The following SHROOM4 variants were observed in gnomAD, a reference collection of about 807,000 sequenced individuals.
SHROOM4 encodes the protein protein Shroom4.
In SHROOM4, 17 loss-of-function variants were observed where a neutral mutation model predicts 80.3. The ratio of observed to expected loss-of-function variants is 0.21; its 90% CI spans 0.14 to 0.32. SHROOM4 has a LOEUF of 0.32. Ranked by LOEUF, SHROOM4 falls within the 10% of genes least tolerant of loss-of-function variation. The probability of loss-of-function intolerance (pLI) is 1.00; values close to 1 mark genes in which losing one functional copy is unlikely to be tolerated. For missense variants in SHROOM4, 993 were observed against 1,140.3 expected, an observed-to-expected ratio of 0.87 and a Z score of 1.86; for synonymous variants, 400 against 437.5, an observed-to-expected ratio of 0.91 and a Z score of 1.07.
chrX:50,599,753 C>T (rs1228396587), intron 7 of SHROOM4, among the ~76,000 whole-genome samples: 4 of 111,667 alleles, frequency 3.6e-5, no homozygotes, highest in African/African-American at 9.8e-5. Flanking sequence ...GGGGACAGCT[C>T]TGCCCCTCCC....
chrX:50,700,891 T>C (rs1367706543), intron 1 of SHROOM4, among the ~76,000 whole-genome samples: 2 of 112,068 alleles, frequency 1.8e-5, no homozygotes, highest in African/African-American at 3.2e-5. Context: ...GTAATCCCTA[T>C]ATGTGGATAG....
rs1175576802 is a variant in SHROOM4, at chrX:50,712,287, C to T, written c.118-16350G>A. ...ATGTTTCAACTGACTCCCTGACATT[C>T]AATTGAGTTTTGGTTTTCAAACTCC... On this transcript the variant is annotated intron_variant, in intron 1 of 8. Transcript: ENST00000376020. 2.7e-5 allele frequency among the ~76,000 whole-genome samples: 3 copies of T among 111,738 alleles called. No individual in the cohort carries two copies. The Admixed American group carries it at 2.9e-4, about 11-fold the overall frequency.
rs1557245375 is a variant in SHROOM4, at chrX:50,591,317, T to G, written c.*5378A>C. The stretch of plus-strand genomic sequence containing the variant: ...ATTACTGTAGTTTTGCAGTAAGTTT[T>G]GAAGTTGGGATGTATGAGCCCTCCA... On this transcript the variant is annotated 3_prime_UTR_variant, in exon 9 of 9. Coordinates refer to ENST00000376020, the MANE Select transcript of SHROOM4 (RefSeq NM_020717.5). 8.9e-6 allele frequency among the ~76,000 whole-genome samples: 1 copy of G among 112,307 alleles called. No individual in the cohort carries two copies.
At chrX:50,729,063 G>A (rs1031037246) in intron 1 of SHROOM4, among the ~76,000 whole-genome samples, 4 of 111,764 alleles carry the variant, frequency 3.6e-5, no homozygotes, top group Non-Finnish European at 7.5e-5. Context: ...TATCATTGAT[G>A]TGGAAAAGAG....
chrX:50,660,422 C>T (rs182695604), intron 2 of SHROOM4, among the ~76,000 whole-genome samples: 21 of 111,310 alleles, frequency 1.9e-4, no homozygotes, highest in African/African-American at 6.2e-4. Context: ...GTACATTAAA[C>T]GCTCTGATTT....
At chrX:50,632,758 A>G (rs1557254349) in intron 4 of SHROOM4, among the ~76,000 whole-genome samples, 1 of 112,028 alleles carries the variant, frequency 8.9e-6, no homozygotes, top group Non-Finnish European at 1.9e-5. Flanking sequence ...GATTCTCACA[A>G]GTGATCCATG....
chrX:50,618,349 T>A (rs868970161), intron 5 of SHROOM4, among the ~76,000 whole-genome samples: 2 of 11,830 alleles, frequency 1.7e-4, no homozygotes, highest in African/African-American at 9.1e-4. Flanking sequence ...CCTTCCTTCC[T>A]TCCTTCCTTC....
chrX:50,726,985 G>A (rs1292168375), intron 1 of SHROOM4, among the ~76,000 whole-genome samples: 1 of 113,114 alleles, frequency 8.8e-6, no homozygotes, highest in Non-Finnish European at 1.9e-5. Flanking sequence ...GCCCATGAAA[G>A]CAGCCATGGG....
intron 1 of SHROOM4, among the ~76,000 whole-genome samples, chrX:50,756,281 A>G (rs1557268379): frequency 5.4e-5 from 6 of 112,123 alleles, no homozygotes; most frequent in Non-Finnish European, 1.1e-4. Context: ...TCCACTGAGC[A>G]TGTTTTTGAG....
chrX:50,802,172 GA>G (rs1329891970), intron 1 of SHROOM4, among the ~76,000 whole-genome samples: 1 of 112,033 alleles, frequency 8.9e-6, no homozygotes, highest in African/African-American at 3.2e-5. Flanking sequence ...CTATGGCCAG[GA>G]AAGCCCATTA....
chrX:50,737,285 A>G (rs1423310102), intron 1 of SHROOM4, among the ~76,000 whole-genome samples: 1 of 111,090 alleles, frequency 9.0e-6, no homozygotes, highest in Non-Finnish European at 1.9e-5. Flanking sequence ...AAAAGGGGAT[A>G]GTAAAGGAGG....
chrX:50,809,805 C>G (rs1557273280), intron 1 of SHROOM4, among the ~76,000 whole-genome samples: 1 of 111,733 alleles, frequency 8.9e-6, no homozygotes, highest in Non-Finnish European at 1.9e-5. Context: ...AAGAGAATCC[C>G]CATTCCATCC....
rs112034756 is a variant in SHROOM4, at chrX:50,735,279, G to T, written c.118-39342C>A. ...TGCAGGGACAATAGGATACCCATATGCAAAAAGACTTAAACTGGATCCCTA... is the reference window on the plus strand; with the variant it reads ...TGCAGGGACAATAGGATACCCATATTCAAAAAGACTTAAACTGGATCCCTA... On this transcript the variant is annotated intron_variant, in intron 1 of 8. Transcript: ENST00000376020. Among the ~76,000 whole-genome samples the T allele has an allele frequency of 4.6e-3, 519 of 111,785 alleles. 3 individuals carry two copies. The highest frequency in any genetic ancestry group is 0.016 in the African/African-American group (491 of 30,784).
At chrX:50,601,015 A>G (rs1557247564) in intron 7 of SHROOM4, among the ~76,000 whole-genome samples, 1 of 112,130 alleles carries the variant, frequency 8.9e-6, no homozygotes, top group African/African-American at 3.2e-5. Context: ...GAAGGATAAA[A>G]GTGGAGAGAG....
rs977548221 is a variant in SHROOM4 at position 50,623,873 on chromosome X, G to A, written c.2957+3741C>T. Among the ~76,000 whole-genome samples the A allele has an allele frequency of 4.8e-4, 54 of 112,069 alleles. 1 individual carries two copies. Among genetic ancestry groups the A allele is most frequent in the Admixed American group, 7.5e-4 (8 of 10,606 alleles). ...AGGAACGAAGTACTGATACATGGAT[G>A]AACTGCTAAACATTATGCTAAGTGA... On this transcript the variant is annotated intron_variant, in intron 5 of 8. Coordinates refer to ENST00000376020, the MANE Select transcript of SHROOM4 (RefSeq NM_020717.5).
chrX:50,767,526 G>C (rs1037403095), intron 1 of SHROOM4, among the ~76,000 whole-genome samples: 1 of 111,088 alleles, frequency 9.0e-6, no homozygotes, highest in Non-Finnish European at 1.9e-5. Context: ...TTAAATTAAG[G>C]ACCAGTGGGT....
chrX:50,608,332 A>T, intron 5 of SHROOM4, 148 bp from the exon 6 acceptor site: 1 of 496,191 alleles, frequency 2.0e-6, no homozygotes, highest in Non-Finnish European at 3.3e-6. Flanking sequence ...ATAATATTAT[A>T]ATAATGATAG....
chrX:50,635,115 T>C lies in SHROOM4; in HGVS notation c.958A>G (p.Arg320Gly). Residue 320 changes from arginine (R) to glycine (G), a missense_variant, in exon 4 of 9, where the codon AGG (arginine) becomes GGG (glycine). Arg to Gly is a moderately radical substitution (Grantham distance 125). Coordinates refer to ENST00000376020, the MANE Select transcript of SHROOM4 (RefSeq NM_020717.5). ...AGGCAACAGAACCTATTAGGGTTCC[T>C]TGCGGGTAGCACAGGCTCTAAGCTC... is the stretch of plus-strand genomic sequence containing the variant. ...KLSLEPVLPA[R>G]NPNRFCCLSG... is the part of the protein sequence containing the mutation. 8.3e-7 allele frequency: 1 copy of C among 1,211,610 alleles called. No individual in the cohort carries two copies. The highest frequency in any genetic ancestry group is 1.1e-6 in the Non-Finnish European group (1 of 895,369).
At chrX:50,644,694 CCT>C (rs1931755262) in intron 2 of SHROOM4, among the ~76,000 whole-genome samples, 1 of 112,640 alleles carries the variant, frequency 8.9e-6, no homozygotes, top group Non-Finnish European at 1.9e-5. Flanking sequence ...TAGGGCCTTT[CCT>C]CTCTGGGGAA....
Sources: gnomAD v4.1 joint callset for allele counts (sites outside exome capture counted in the v4.1 genomes callset) on GRCh38, gnomAD v4.1.1 for gene constraint, MANE v1.5 for transcripts, NCBI Gene and HGNC (gene_info 2026-07-23, HGNC 2026-07-21) for gene names.